The following LASP1NB variants were observed in gnomAD, a reference collection of about 807,000 sequenced individuals.
LASP1NB encodes LASP1 neighbor protein.
the LASP1NB span, chr17:38,926,650 TA>T: frequency 6.6e-6 from 1 of 152,332 alleles, no homozygotes; most frequent in East Asian, 1.9e-4. Flanking sequence ...GGAGACTTAT[TA>T]AAGTTACCGT....
the LASP1NB span, chr17:38,928,956 G>A: frequency 6.6e-6 from 1 of 152,158 alleles, no homozygotes; most frequent in South Asian, 2.1e-4. Context: ...GTGACATCAA[G>A]GCTTCTCAGT....
the LASP1NB span, among the ~76,000 whole-genome samples, chr17:38,926,053 C>T: frequency 6.6e-6 from 1 of 151,894 alleles, no homozygotes; most frequent in African/African-American, 2.4e-5. Context: ...ACAATGTAAA[C>T]GATTTTTAGG....
At chr17:38,929,000 T>C in the LASP1NB span, 1 of 152,136 alleles carries the variant, frequency 6.6e-6, no homozygotes, top group Non-Finnish European at 1.5e-5. Flanking sequence ...AACTAATCAA[T>C]TCAGTGAAAA....
the LASP1NB span, among the ~76,000 whole-genome samples, chr17:38,926,111 C>T: frequency 6.6e-6 from 1 of 152,106 alleles, no homozygotes; most frequent in Non-Finnish European, 1.5e-5. Flanking sequence ...ACTATTATTT[C>T]CTAATTTCTT....
the LASP1NB span, chr17:38,926,998 A>G: frequency 2.6e-5 from 4 of 152,104 alleles, no homozygotes; most frequent in African/African-American, 9.7e-5. Context: ...TAAAGGGAGA[A>G]ATGGTTATAT....
chr17:38,928,046 A>G, the LASP1NB span: 1 of 152,112 alleles, frequency 6.6e-6, no homozygotes, highest in African/African-American at 2.4e-5. Context: ...CATCTCAAAA[A>G]AAAATAATAA....
the LASP1NB span, chr17:38,925,741 C>A: frequency 2.5e-6 from 1 of 398,578 alleles, no homozygotes; most frequent in South Asian, 1.3e-4. Context: ...TAGGCCTGGT[C>A]ATTCTGTCCT....
the LASP1NB span, chr17:38,926,593 T>C: frequency 6.6e-6 from 1 of 152,192 alleles, no homozygotes; most frequent in Admixed American, 6.5e-5. Flanking sequence ...TGGCAGATAC[T>C]GCATATGTTT....
the LASP1NB span, chr17:38,928,670 A>C: frequency 6.6e-6 from 1 of 152,230 alleles, no homozygotes; most frequent in Non-Finnish European, 1.5e-5. Flanking sequence ...TCTGACATAC[A>C]TGGATGCAAG....
chr17:38,925,977 G>A, the LASP1NB span: 1 of 377,228 alleles, frequency 2.7e-6, no homozygotes, highest in Admixed American at 4.5e-5. Flanking sequence ...AAAAGAATAA[G>A]AAATGCCAGC....
At chr17:38,927,105 T>C in the LASP1NB span, 1 of 151,084 alleles carries the variant, frequency 6.6e-6, no homozygotes, top group Non-Finnish European at 1.5e-5. Context: ...AGTGTGTGTG[T>C]GTGTGTGTGT....
At chr17:38,926,308 G>T in the LASP1NB span, 1 of 152,150 alleles carries the variant, frequency 6.6e-6, no homozygotes, top group African/African-American at 2.4e-5. Flanking sequence ...CTTGGGGTGG[G>T]GTTTTCGGGG....
chr17:38,928,081 GAA>G, the LASP1NB span: 3 of 152,154 alleles, frequency 2.0e-5, no homozygotes, highest in Non-Finnish European at 4.4e-5. Flanking sequence ...TTATGGACAA[GAA>G]AAAACACTAT....
the LASP1NB span, chr17:38,926,971 T>A: frequency 1.3e-5 from 2 of 152,344 alleles, no homozygotes; most frequent in African/African-American, 4.8e-5. Context: ...AAACCACTTG[T>A]ATCCCAGTTT....
At chr17:38,926,064 C>T in the LASP1NB span, among the ~76,000 whole-genome samples, 1 of 151,816 alleles carries the variant, frequency 6.6e-6, no homozygotes, top group Non-Finnish European at 1.5e-5. Flanking sequence ...GATTTTTAGG[C>T]AGAACGGGTT....
chr17:38,928,593 C>T, the LASP1NB span: 1 of 152,010 alleles, frequency 6.6e-6, no homozygotes, highest in Non-Finnish European at 1.5e-5. Context: ...GATAATTTGC[C>T]TAAACTGTTT....
the LASP1NB span, chr17:38,925,768 C>T: frequency 2.5e-6 from 1 of 398,632 alleles, no homozygotes. Context: ...TCTATCTGCT[C>T]TAGTGGCCTG....
chr17:38,928,076 G>A, the LASP1NB span: 13 of 151,978 alleles, frequency 8.6e-5, no homozygotes, highest in African/African-American at 3.1e-4. Context: ...AAAAATTATG[G>A]ACAAGAAAAA....
At chr17:38,929,253 G>A in the LASP1NB span, 1 of 152,072 alleles carries the variant, frequency 6.6e-6, no homozygotes, top group South Asian at 2.1e-4. Context: ...TAAACTATTT[G>A]TATTTTGGCA....
Sources: gnomAD v4.1 joint callset for allele counts (sites outside exome capture counted in the v4.1 genomes callset) on GRCh38, gnomAD v4.1.1 for gene constraint, MANE v1.5 for transcripts, NCBI Gene and HGNC (gene_info 2026-07-23, HGNC 2026-07-21) for gene names.